Variants in TRAPPC9 observed in about 807,000 individuals in gnomAD.
TRAPPC9 encodes trafficking protein particle complex subunit 9, also known as IKK2 binding protein.
Under a neutral mutation model 124.0 loss-of-function variants are expected in TRAPPC9, and 83 were observed. That is an observed-to-expected ratio of 0.67 (90% CI 0.56 to 0.80). TRAPPC9 has a LOEUF of 0.80. TRAPPC9 is among the 30% of genes least tolerant of loss of function. TRAPPC9 has a pLI of 0.00. For synonymous variants in TRAPPC9, 638 were observed against 617.5 expected (o/e 1.03, Z -0.49); for missense variants, 1,302 against 1,508.3 (o/e 0.86, Z 2.27).
chr8:140,279,950 C>G (rs749585703), intron 14 of TRAPPC9, among the ~76,000 whole-genome samples: 3 of 152,198 alleles, frequency 2.0e-5, no homozygotes, highest in Non-Finnish European at 2.9e-5. Context: ...TTAAGCCACC[C>G]CCCGCCCTTT....
intron 9 of TRAPPC9, among the ~76,000 whole-genome samples, chr8:140,358,454 A>G (rs9650570): frequency 0.73 from 110,953 of 152,096 alleles, 41,645 homozygotes; most frequent in African/African-American, 0.91. Context: ...TGATCCGCCC[A>G]CCTGGGCCTC....
At chr8:140,356,531 C>T (rs771680029) in intron 9 of TRAPPC9, among the ~76,000 whole-genome samples, 6 of 151,620 alleles carry the variant, frequency 4.0e-5, no homozygotes, top group Non-Finnish European at 8.8e-5. Context: ...TTGAGAAATA[C>T]AAACTCCAAC....
At chr8:139,976,980 T>C (rs1468716544) in intron 19 of TRAPPC9, among the ~76,000 whole-genome samples, 4 of 152,206 alleles carry the variant, frequency 2.6e-5, no homozygotes, top group Admixed American at 6.5e-5. Context: ...TCAGGGTCAA[T>C]GCTGCCCCAA....
intron 21 of TRAPPC9, among the ~76,000 whole-genome samples, chr8:139,778,999 C>T (rs1364899683): frequency 6.6e-6 from 1 of 152,100 alleles, no homozygotes; most frequent in Non-Finnish European, 1.5e-5. Context: ...TTTGCCATTA[C>T]TTTTAATTTG....
At chr8:140,345,283 G>T (rs947306673) in intron 9 of TRAPPC9, among the ~76,000 whole-genome samples, 1 of 152,194 alleles carries the variant, frequency 6.6e-6, no homozygotes, top group Non-Finnish European at 1.5e-5. Flanking sequence ...AGCAGGCCAG[G>T]TACTGAGTGA....
intron 21 of TRAPPC9, among the ~76,000 whole-genome samples, chr8:139,837,695 G>A (rs562203372): frequency 6.6e-6 from 1 of 152,232 alleles, no homozygotes; most frequent in Admixed American, 6.5e-5. Context: ...GCACACCCAC[G>A]TGGCTGTCCC....
At chr8:139,941,701 T>C (rs11989194) in intron 19 of TRAPPC9, among the ~76,000 whole-genome samples, 1 of 152,092 alleles carries the variant, frequency 6.6e-6, no homozygotes, top group African/African-American at 2.4e-5. Flanking sequence ...GGCAAGCCAG[T>C]GCTCCCAAAC....
chr8:139,968,746 T>A (rs1486732121), intron 19 of TRAPPC9, among the ~76,000 whole-genome samples: 1 of 152,146 alleles, frequency 6.6e-6, no homozygotes, highest in African/African-American at 2.4e-5. Flanking sequence ...GTCACCCAAC[T>A]TGTCCTCATC....
intron 7 of TRAPPC9, among the ~76,000 whole-genome samples, chr8:140,374,150 G>A (rs908844857): frequency 6.6e-5 from 10 of 152,206 alleles, no homozygotes; most frequent in South Asian, 2.1e-4. Flanking sequence ...TCTATGGTCC[G>A]TGAATATTCA....
chr8:139,761,447 C>T (rs1324655135), intron 21 of TRAPPC9, among the ~76,000 whole-genome samples: 2 of 152,204 alleles, frequency 1.3e-5, no homozygotes, highest in Non-Finnish European at 2.9e-5. Flanking sequence ...TCCCGGGCCC[C>T]TTAGAGTTCT....
At position 140,063,971 on chromosome 8, in the gene TRAPPC9, G is replaced by A. The variant is rs955065955; in HGVS notation, c.2557-39892C>T. On this transcript the variant is annotated intron_variant, in intron 17 of 22. Coordinates refer to ENST00000438773, the MANE Select transcript of TRAPPC9 (RefSeq NM_001160372.4). This position sits in a 1 kb window ranked among gnomAD's most constrained non-coding sequence, Gnocchi z 4.3. ...TCCTCTTTCCTGCCAGCAAAAATTCGACTCTCTGCTGCAGGCCCTCCTAAA... is the reference window on the plus strand; with the variant it reads ...TCCTCTTTCCTGCCAGCAAAAATTCAACTCTCTGCTGCAGGCCCTCCTAAA... 2.4e-4 allele frequency among the ~76,000 whole-genome samples: 33 copies of A among 138,338 alleles called. No individual in the cohort carries two copies. Among genetic ancestry groups the A allele is most frequent in the African/African-American group, 7.4e-4 (30 of 40,486 alleles). 90.8% of individuals were successfully genotyped at this position (138,338 alleles called of 152,430 possible).
chr8:140,255,593 G>A (rs541077002), intron 15 of TRAPPC9, among the ~76,000 whole-genome samples: 5 of 152,214 alleles, frequency 3.3e-5, no homozygotes, highest in Non-Finnish European at 2.9e-5. Context: ...AGATGATTTC[G>A]AGAAGCTGTG....
chr8:139,804,027 T>C (rs1047602333), intron 21 of TRAPPC9, among the ~76,000 whole-genome samples: 5 of 147,896 alleles, frequency 3.4e-5, no homozygotes, highest in Admixed American at 3.3e-4. Flanking sequence ...CCACCACCAC[T>C]ATCCATCGCC....
chr8:140,358,375 T>G (rs2067818908), intron 9 of TRAPPC9, among the ~76,000 whole-genome samples: 1 of 152,094 alleles, frequency 6.6e-6, no homozygotes. Flanking sequence ...CTGGCTAATT[T>G]TTTGTATTTT....
At chr8:140,390,855 T>C (rs1448134712) in intron 7 of TRAPPC9, among the ~76,000 whole-genome samples, 1 of 152,096 alleles carries the variant, frequency 6.6e-6, no homozygotes, top group Non-Finnish European at 1.5e-5. Flanking sequence ...GTGAGAACTA[T>C]GAAATCCTCA....
At position 140,060,331 on chromosome 8, in the gene TRAPPC9, C is replaced by T. The variant is rs117129196; in HGVS notation, c.2557-36252G>A. 6.8e-4 allele frequency among the ~76,000 whole-genome samples: 103 copies of T among 152,354 alleles called. 1 individual carries two copies. In the East Asian group the frequency reaches 0.019, roughly 28 times the overall value. ...CTTCAGTGCACACCTGCCTGGAGTT[C>T]TCTGCCTGCCTGCAGGAGTTTCACT... On this transcript the variant is annotated intron_variant, in intron 17 of 22. Transcript: ENST00000438773.
intron 17 of TRAPPC9, among the ~76,000 whole-genome samples, chr8:140,115,141 G>A (rs551908309): frequency 5.9e-5 from 9 of 152,192 alleles, no homozygotes; most frequent in African/African-American, 1.4e-4. Flanking sequence ...CTTGATTCTC[G>A]AATTCTGGTA....
At chr8:139,925,634 G>A (rs1479246015) in intron 19 of TRAPPC9, among the ~76,000 whole-genome samples, 1 of 151,902 alleles carries the variant, frequency 6.6e-6, no homozygotes, top group Non-Finnish European at 1.5e-5. Flanking sequence ...TGTAATCCCA[G>A]CTACTCAGGA....
intron 17 of TRAPPC9, among the ~76,000 whole-genome samples, chr8:140,176,137 T>C (rs551425385): frequency 1.3e-5 from 2 of 152,350 alleles, no homozygotes; most frequent in Non-Finnish European, 2.9e-5. Context: ...ACGATCTCTC[T>C]TGAACTATGA....
Sources: allele counts gnomAD v4.1 joint callset (sites outside exome capture counted in the v4.1 genomes callset), GRCh38; gene constraint gnomAD v4.1.1; non-coding constraint Gnocchi (gnomAD v3.1); transcripts MANE v1.5; gene names NCBI Gene and HGNC (gene_info 2026-07-23, HGNC 2026-07-21).